The following TDRP variants were observed in gnomAD, a reference collection of about 807,000 sequenced individuals.
TDRP encodes testis development related protein.
Under a neutral mutation model 10.5 loss-of-function variants are expected in TDRP, and 12 were observed. That is an observed-to-expected ratio of 1.15 (90% CI 0.73 to 1.86). TDRP has a LOEUF of 1.86. Among genes scored for constraint, TDRP ranks in the 40% most tolerant of loss-of-function variants. The pLI, the probability that TDRP is intolerant of heterozygous loss-of-function variation, is 0.00. For missense variants in TDRP, 353 were observed against 229.2 expected (o/e 1.54, Z -3.49); for synonymous variants, 139 against 95.4 (o/e 1.46, Z -2.67).
chr8:514,181 T>A (rs1297514147), intron 1 of TDRP, among the ~76,000 whole-genome samples: 2 of 152,174 alleles, frequency 1.3e-5, no homozygotes, highest in Non-Finnish European at 2.9e-5. Context: ...ACACTTGCCA[T>A]TTCAAACTTA....
At chr8:529,710 G>A (rs1024931586) in intron 1 of TDRP, among the ~76,000 whole-genome samples, 2 of 152,138 alleles carry the variant, frequency 1.3e-5, no homozygotes, top group African/African-American at 4.8e-5. Flanking sequence ...CTTTTGTACT[G>A]TAATGTTTCT....
Position 491,610 on chromosome 8 carries a change from C to G in TDRP, c.*789G>C. 6.5e-7 allele frequency: 1 copy of G among 1,530,318 alleles called. No homozygotes were observed. 94.8% of individuals were successfully genotyped at this position (1,530,318 alleles called of 1,614,324 possible). A position where few individuals can be genotyped will look rare whatever the true frequency, so the allele number is the denominator to read the frequency against. ...CACAGTCTTAACTCTCTATAATGAG[C>G]AAGACAATGTTTCCTAAATGAAATT... On this transcript the variant is annotated 3_prime_UTR_variant, in exon 3 of 3. Coordinates refer to ENST00000324079, the MANE Select transcript of TDRP (RefSeq NM_001384899.1).
intron 1 of TDRP, among the ~76,000 whole-genome samples, chr8:539,068 G>A (rs961541664): frequency 6.6e-6 from 1 of 152,188 alleles, no homozygotes; most frequent in Non-Finnish European, 1.5e-5. Context: ...ATCAATAGGG[G>A]ACTCGTTTTT....
chr8:513,787 G>C (rs937890486), intron 1 of TDRP, among the ~76,000 whole-genome samples: 1 of 152,164 alleles, frequency 6.6e-6, no homozygotes, highest in African/African-American at 2.4e-5. Context: ...ACTAATAAAA[G>C]AGTTCAACAC....
intron 1 of TDRP, among the ~76,000 whole-genome samples, chr8:519,649 G>C (rs537870049): frequency 3.9e-5 from 6 of 152,086 alleles, no homozygotes; most frequent in Non-Finnish European, 5.9e-5. Context: ...CAAAGGGTTG[G>C]GTTGCTCACT....
In TDRP at chr8:491,619, G is replaced by A. The variant is rs552162583; in HGVS notation, c.*780C>T. On this transcript the variant is annotated 3_prime_UTR_variant, in exon 3 of 3. Transcript: ENST00000324079. The stretch of plus-strand genomic sequence containing the variant: ...AACTCTCTATAATGAGCAAGACAAT[G>A]TTTCCTAAATGAAATTATCAACTGA... 2 of 1,530,878 alleles carry A rather than the reference G, an allele frequency of 1.3e-6. 1 individual carries two copies. Among genetic ancestry groups the A allele is most frequent in the South Asian group, 2.4e-5 (2 of 82,616 alleles). The allele number at this position is 1,530,878 out of a possible 1,614,324, so 94.8% of individuals were successfully genotyped here.
intron 1 of TDRP, among the ~76,000 whole-genome samples, chr8:503,281 C>T (rs1371945659): frequency 5.8e-5 from 8 of 137,320 alleles, no homozygotes; most frequent in Admixed American, 1.5e-4. Context: ...GGGCAACCCA[C>T]GTCCACCTCA....
chr8:539,272 A>G (rs1434789541), intron 1 of TDRP, among the ~76,000 whole-genome samples: 1 of 152,144 alleles, frequency 6.6e-6, no homozygotes, highest in Admixed American at 6.5e-5. Context: ...ATATGGTGGT[A>G]AGAAGCTGGA....
Position 490,489 on chromosome 8 carries a change from G to C in TDRP, c.*1910C>G, listed in dbSNP as rs755112661. ...CACAGAGCTCCCCACAACATGGGAA[G>C]CGTCCCCATCTCCCCACACACGTGA... On this transcript the variant is annotated 3_prime_UTR_variant, in exon 3 of 3. Transcript: ENST00000324079. 1.3e-5 allele frequency: 2 copies of C among 152,248 alleles called. No individual in the cohort carries two copies. Among genetic ancestry groups the C allele is most frequent in the African/African-American group, 2.4e-5 (1 of 41,452 alleles). The allele number at this position is 152,248 out of a possible 1,614,324, so 9.4% of individuals were successfully genotyped here. A position where few individuals can be genotyped will look rare whatever the true frequency, so the allele number is the denominator to read the frequency against.
At chr8:545,567 C>G (rs997207271), upstream of TDRP, 12 of 152,332 alleles carry the variant, frequency 7.9e-5, no homozygotes, top group African/African-American at 2.4e-4. Context: ...CGCGGCAAGG[C>G]TGAGGGGAAG....
intron 1 of TDRP, among the ~76,000 whole-genome samples, chr8:521,068 G>T (rs1443126205): frequency 6.6e-6 from 1 of 151,778 alleles, no homozygotes; most frequent in Non-Finnish European, 1.5e-5. Context: ...TCTGATTTAG[G>T]TCTTTAATCT....
At chr8:539,846 C>G (rs1802446414) in intron 1 of TDRP, among the ~76,000 whole-genome samples, 1 of 152,172 alleles carries the variant, frequency 6.6e-6, no homozygotes, top group South Asian at 2.1e-4. Flanking sequence ...GTCATCTAAA[C>G]TAAGATTCAC....
intron 1 of TDRP, among the ~76,000 whole-genome samples, chr8:524,516 ACT>A (rs1008909549): frequency 5.2e-4 from 79 of 152,220 alleles, no homozygotes; most frequent in Non-Finnish European, 9.4e-4. Flanking sequence ...CTTTGAGGAA[ACT>A]CAACAAAATT....
chr8:498,938 T>C (rs1047516334), intron 1 of TDRP, among the ~76,000 whole-genome samples: 1 of 152,118 alleles, frequency 6.6e-6, no homozygotes, highest in Non-Finnish European at 1.5e-5. Flanking sequence ...TTGTTTTCCC[T>C]TCACCTCCTT....
chr8:526,143 T>C (rs1241621257), intron 1 of TDRP, among the ~76,000 whole-genome samples: 2 of 152,118 alleles, frequency 1.3e-5, no homozygotes, highest in African/African-American at 4.8e-5. Flanking sequence ...CTGCAGTATT[T>C]GTTGTAGCCA....
intron 1 of TDRP, among the ~76,000 whole-genome samples, chr8:534,299 G>C (rs1215395533): frequency 6.6e-6 from 1 of 152,194 alleles, no homozygotes; most frequent in Non-Finnish European, 1.5e-5. Flanking sequence ...CAGTCAATTA[G>C]CAAATACTAA....
intron 1 of TDRP, among the ~76,000 whole-genome samples, chr8:538,554 T>G (rs1328261386): frequency 6.6e-6 from 1 of 152,158 alleles, no homozygotes; most frequent in African/African-American, 2.4e-5. Flanking sequence ...AAACTGATAC[T>G]TGGCTAGGTC....
intron 1 of TDRP, among the ~76,000 whole-genome samples, chr8:510,975 A>G (rs1801600267): frequency 6.6e-6 from 1 of 152,252 alleles, no homozygotes. Flanking sequence ...AAGCAAAGCT[A>G]CATCAGGCTA....
intron 1 of TDRP, among the ~76,000 whole-genome samples, chr8:516,680 A>G (rs1453604210): frequency 6.6e-6 from 1 of 152,194 alleles, no homozygotes; most frequent in Non-Finnish European, 1.5e-5. Flanking sequence ...GCCATTTCAG[A>G]AGACAGTTTG....
Sources: allele counts gnomAD v4.1 joint callset (sites outside exome capture counted in the v4.1 genomes callset), GRCh38; gene constraint gnomAD v4.1.1; transcripts MANE v1.5; gene names NCBI Gene and HGNC (gene_info 2026-07-23, HGNC 2026-07-21).